Variants in NFE2L3 observed in about 807,000 individuals in gnomAD.
The protein encoded by NFE2L3 is nuclear factor erythroid 2-related factor 3.
A neutral mutation model predicts 23.5 loss-of-function variants in NFE2L3; 18 were observed. That is an observed-to-expected ratio of 0.77 (90% CI 0.53 to 1.13). NFE2L3 has a LOEUF of 1.13. NFE2L3 is among the 50% of genes most tolerant of loss of function. The probability of loss-of-function intolerance (pLI) is 0.00; values close to 1 mark genes in which losing one functional copy is unlikely to be tolerated. For synonymous variants in NFE2L3, 424 were observed against 354.5 expected, an observed-to-expected ratio of 1.20 and a Z score of -2.20; for missense variants, 1,152 against 877.2, an observed-to-expected ratio of 1.31 and a Z score of -3.96.
chr7:26,158,638 G>C (rs1784123085), intron 1 of NFE2L3, among the ~76,000 whole-genome samples: 1 of 152,190 alleles, frequency 6.6e-6, no homozygotes, highest in Admixed American at 6.5e-5. Flanking sequence ...CCCTCCATTA[G>C]TAGGTTACAG....
intron 1 of NFE2L3, among the ~76,000 whole-genome samples, chr7:26,161,180 G>A (rs1784164265): frequency 6.6e-6 from 1 of 152,144 alleles, no homozygotes; most frequent in Non-Finnish European, 1.5e-5. Flanking sequence ...GAGAAGATCA[G>A]ACTGAGGAAG....
At position 26,183,717 on chromosome 7, in the gene NFE2L3, C is replaced by G; in HGVS notation, c.767C>G (p.Thr256Arg). 3.1e-6 allele frequency: 5 copies of G among 1,610,986 alleles called. No homozygotes were observed. Among genetic ancestry groups the G allele is most frequent in the Non-Finnish European group, 4.2e-6 (5 of 1,177,178 alleles). ...ESRNERHLNG[T>R]DTSFSLEDLF... ...TCTCTACAGAGACATCTGAATGGGA[C>G]AGATACTTCTTTCTCTCTGGAAGAC... The change falls in exon 3 of 4, where the codon ACA (threonine) becomes AGA (arginine). Residue 256 changes from threonine to arginine, a missense_variant. By Grantham distance (71) the Thr-to-Arg change is moderately conservative (BLOSUM62 -1). Transcript: ENST00000056233.
At chr7:26,162,377 A>AG (rs1583927829) in intron 1 of NFE2L3, among the ~76,000 whole-genome samples, 2 of 152,162 alleles carry the variant, frequency 1.3e-5, no homozygotes, top group East Asian at 3.9e-4. Flanking sequence ...ATTGATGATA[A>AG]GAGTGCTGAT....
rs1437048069 is a variant in NFE2L3 at position 26,152,698 on chromosome 7, G to C, written c.200G>C (p.Gly67Ala). 22 of 1,479,880 alleles carry C rather than the reference G, an allele frequency of 1.5e-5. No homozygotes were observed. In the Admixed American group the frequency reaches 5.0e-4, roughly 33 times the overall value. The allele number at this position is 1,479,880 out of a possible 1,614,324, so 91.7% of individuals were successfully genotyped here. A position where few individuals can be genotyped will look rare whatever the true frequency, so the allele number is the denominator to read the frequency against. The change falls in exon 1 of 4, where the codon GGG becomes GCG. Residue 67 changes from glycine to alanine, a missense_variant. Coordinates refer to ENST00000056233, the MANE Select transcript of NFE2L3 (RefSeq NM_004289.7). This position sits in a 1 kb window ranked among gnomAD's most constrained non-coding sequence, Gnocchi z 4.4. Reference protein sequence around the residue: ...YALSPFSASGGWGRAGHLHPK... With the variant: ...YALSPFSASGAWGRAGHLHPK... ...CTCAGCCCCTTCTCGGCCTCGGGAG[G>C]GTGGGGGCGCGCGGGCCACTTGCAC...
intron 2 of NFE2L3, among the ~76,000 whole-genome samples, chr7:26,178,512 A>G (rs1461839168): frequency 6.6e-6 from 1 of 152,182 alleles, no homozygotes; most frequent in Non-Finnish European, 1.5e-5. Context: ...CCAACCCTAC[A>G]GCCAATCACC....
At chr7:26,178,164 A>C in intron 2 of NFE2L3, 42 bp downstream of exon 2, 1 of 1,565,572 alleles carries the variant, frequency 6.4e-7, no homozygotes. Flanking sequence ...TTTTGGTTTT[A>C]ATGTAGATTT....
chr7:26,185,842 TG>T lies in NFE2L3; in HGVS notation c.*61del, dbSNP rs2128101000. Reference sequence around the variant, plus strand: ...TAGTAATGTTCAGAAACTGATTATTTGGATCAGAAACCATTGAAACTGCTTC... The same window carrying T: ...TAGTAATGTTCAGAAACTGATTATTTGATCAGAAACCATTGAAACTGCTTC... On this transcript the variant is annotated 3_prime_UTR_variant, in exon 4 of 4. Coordinates refer to ENST00000056233, the MANE Select transcript of NFE2L3 (RefSeq NM_004289.7). 2.2e-6 allele frequency: 3 copies of T among 1,371,680 alleles called. No homozygotes were observed. The highest frequency in any genetic ancestry group is 2.0e-4 in the Middle Eastern group (1 of 5,108). 85.0% of individuals were successfully genotyped at this position (1,371,680 alleles called of 1,614,324 possible).
chr7:26,161,630 T>G (rs1474215941), intron 1 of NFE2L3, among the ~76,000 whole-genome samples: 10 of 152,074 alleles, frequency 6.6e-5, no homozygotes, highest in Non-Finnish European at 1.5e-4. Context: ...CTGAAAGCCC[T>G]TCTATGAATT....
At chr7:26,181,536 C>G (rs904574833) in intron 2 of NFE2L3, among the ~76,000 whole-genome samples, 2 of 152,140 alleles carry the variant, frequency 1.3e-5, no homozygotes, top group Non-Finnish European at 2.9e-5. Context: ...ACTACCATCA[C>G]CATCAAGAAT....
rs550154093 is a variant in NFE2L3 at position 26,183,047 on chromosome 7, AAAGTGCT to A, written c.751-653_751-647del. ...GGCGATCTGCCTGCTTTGGCCTCCC[AAAGTGCT>A]GGGATTACAAGCGTGAGCCACCACA... is the stretch of plus-strand genomic sequence containing the variant. On this transcript the variant is annotated intron_variant, in intron 2 of 3. Coordinates refer to ENST00000056233, the MANE Select transcript of NFE2L3 (RefSeq NM_004289.7). Among the ~76,000 whole-genome samples, 14 of 152,146 alleles carry A rather than the reference AAAGTGCT, an allele frequency of 9.2e-5. No individual in the cohort carries two copies. In the East Asian group the frequency reaches 2.7e-3, roughly 30 times the overall value.
chr7:26,184,720 C>A lies in NFE2L3; in HGVS notation c.1022C>A (p.Pro341Gln), dbSNP rs779702861. The change falls in exon 4 of 4, where the codon CCA becomes CAA. Residue 341 changes from proline (P) to glutamine (Q), a missense_variant. By Grantham distance (76) the Pro-to-Gln change is moderately conservative. Coordinates refer to ENST00000056233, the MANE Select transcript of NFE2L3 (RefSeq NM_004289.7). ...GCAAGGACTTCACAGTCACAAGAAC[C>A]ATTTCTGCAGTTAAATTCTCATACC... is the stretch of plus-strand genomic sequence containing the variant. Reference protein sequence around the residue: ...PTARTSQSQEPFLQLNSHTTN... With the variant: ...PTARTSQSQEQFLQLNSHTTN... 6.2e-7 allele frequency: 1 copy of A among 1,613,856 alleles called. No homozygotes were observed. Among genetic ancestry groups the A allele is most frequent in the East Asian group, 2.2e-5 (1 of 44,860 alleles).
Position 26,184,900 on chromosome 7 carries a change from A to G in NFE2L3, c.1202A>G (p.Asp401Gly). The G allele has an allele frequency of 1.2e-6, 2 of 1,613,968 alleles. No individual in the cohort carries two copies. The highest frequency in any genetic ancestry group is 1.7e-6 in the Non-Finnish European group (2 of 1,179,854). Residue 401 changes from aspartate (D) to glycine (G), a missense_variant, in exon 4 of 4, where the codon GAC (aspartate) becomes GGC (glycine). Coordinates refer to ENST00000056233, the MANE Select transcript of NFE2L3 (RefSeq NM_004289.7). ...EINLMSLATE[D>G]NFDPIDVSQL... Reference sequence around the variant, plus strand: ...AACTTAATGTCATTGGCCACAGAAGACAACTTTGATCCAATCGATGTTTCT... The same window carrying G: ...AACTTAATGTCATTGGCCACAGAAGGCAACTTTGATCCAATCGATGTTTCT...
chr7:26,180,495 TTTATA>T (rs1208985114), intron 2 of NFE2L3, among the ~76,000 whole-genome samples: 1 of 152,256 alleles, frequency 6.6e-6, no homozygotes, highest in Non-Finnish European at 1.5e-5. Flanking sequence ...CCCATGGACT[TTTATA>T]TTAAAATACT....
In NFE2L3 at chr7:26,152,676, A is replaced by G; in HGVS notation, c.178A>G (p.Ser60Gly). ...GGPASSAYAL[S>G]PFSASGGWGR... ...CCCGGCCAGCTCCGCCTACGCGCTC[A>G]GCCCCTTCTCGGCCTCGGGAGGGTG... Residue 60 changes from serine to glycine, a missense_variant, in exon 1 of 4, where the codon AGC becomes GGC. Transcript: ENST00000056233. The surrounding 1 kb of genome is among the most constrained non-coding windows in gnomAD (Gnocchi z 4.4). The G allele has an allele frequency of 4.7e-6, 7 of 1,488,252 alleles. No individual in the cohort carries two copies. The highest frequency in any genetic ancestry group is 6.2e-6 in the Non-Finnish European group (7 of 1,126,294). The allele number at this position is 1,488,252 out of a possible 1,614,324, so 92.2% of individuals were successfully genotyped here. A position where few individuals can be genotyped will look rare whatever the true frequency, so the allele number is the denominator to read the frequency against.
At chr7:26,169,650 G>A (rs1392366190) in intron 1 of NFE2L3, among the ~76,000 whole-genome samples, 3 of 152,212 alleles carry the variant, frequency 2.0e-5, no homozygotes, top group Non-Finnish European at 4.4e-5. Flanking sequence ...TGCTTGTTGT[G>A]TTTATTATAT....
Position 26,185,123 on chromosome 7 carries a change from T to C in NFE2L3, c.1425T>C (p.Leu475=), listed in dbSNP as rs192195501. 2.2e-4 allele frequency: 349 copies of C among 1,613,908 alleles called. No homozygotes were observed. The highest frequency in any genetic ancestry group is 1.1e-3 in the East Asian group (48 of 44,886). The change falls in exon 4 of 4, where the codon CTT becomes CTC. Residue 475 remains leucine (L), a synonymous_variant. Coordinates refer to ENST00000056233, the MANE Select transcript of NFE2L3 (RefSeq NM_004289.7). ...VGGYYPEPSK[L]CHLDQSDSDF... is the part of the protein sequence containing the mutation. ...GCTACTACCCAGAACCCAGTAAGCT[T>C]TGTCACTTGGATCAAAGTGATTCTG...
chr7:26,161,332 T>G (rs1482523908), intron 1 of NFE2L3, among the ~76,000 whole-genome samples: 2 of 131,998 alleles, frequency 1.5e-5, no homozygotes, highest in East Asian at 4.5e-4. Flanking sequence ...TTAGCTTCTC[T>G]CTCTTTTTTT....
At chr7:26,174,188 TAGG>T (rs915354008) in intron 1 of NFE2L3, 1 of 152,114 alleles carries the variant, frequency 6.6e-6, no homozygotes, top group Non-Finnish European at 1.5e-5. Flanking sequence ...CTTGATGAGG[TAGG>T]AGAATAGAGA....
In NFE2L3 at chr7:26,152,656, C is replaced by T; in HGVS notation, c.158C>T (p.Ala53Val). ...GAGCTGCTGTTCCTGGGCGGCCCGG[C>T]CAGCTCCGCCTACGCGCTCAGCCCC... ...QDELLFLGGP[A>V]SSAYALSPFS... Residue 53 changes from alanine to valine, a missense_variant, in exon 1 of 4, where the codon GCC (alanine) becomes GTC (valine). Physicochemically the swap from Ala to Val is moderately conservative, Grantham distance 64. Transcript: ENST00000056233. The surrounding 1 kb of genome is among the most constrained non-coding windows in gnomAD (Gnocchi z 4.4). The T allele has an allele frequency of 6.7e-7, 1 of 1,499,754 alleles. No individual in the cohort carries two copies. The highest frequency in any genetic ancestry group is 8.8e-7 in the Non-Finnish European group (1 of 1,132,478). The allele number at this position is 1,499,754 out of a possible 1,614,324, so 92.9% of individuals were successfully genotyped here.
Sources: gnomAD v4.1 joint callset for allele counts (sites outside exome capture counted in the v4.1 genomes callset) on GRCh38, gnomAD v4.1.1 for gene constraint, Gnocchi (gnomAD v3.1) non-coding constraint, MANE v1.5 for transcripts, NCBI Gene and HGNC (gene_info 2026-07-23, HGNC 2026-07-21) for gene names.